The following TOX3 variants were observed in gnomAD, a reference collection of about 807,000 sequenced individuals.
The protein encoded by TOX3 is TOX high mobility group box family member 3.
TOX3 carries 22 observed loss-of-function variants against 64.3 expected under a neutral mutation model. The observed-to-expected ratio is 0.34, with a 90% confidence interval of 0.24 to 0.49. The LOEUF is 0.49. Ranked by LOEUF, TOX3 falls within the 20% of genes least tolerant of loss-of-function variation. The probability of loss-of-function intolerance (pLI) is 0.99; values close to 1 mark genes in which losing one functional copy is unlikely to be tolerated. For synonymous variants in TOX3, 291 were observed against 273.6 expected, an observed-to-expected ratio of 1.06 and a Z score of -0.63; for missense variants, 661 against 714.4, an observed-to-expected ratio of 0.93 and a Z score of 0.85.
intron 2 of TOX3, among the ~76,000 whole-genome samples, chr16:52,464,959 T>C (rs1040953003): frequency 2.7e-5 from 4 of 150,828 alleles, no homozygotes; most frequent in Non-Finnish European, 4.4e-5. Flanking sequence ...GTTCGCTTAC[T>C]TAGAGAAGTA....
intron 2 of TOX3, among the ~76,000 whole-genome samples, chr16:52,467,291 C>T (rs182916940): frequency 1.6e-4 from 24 of 152,182 alleles, no homozygotes; most frequent in Admixed American, 7.9e-4. Flanking sequence ...AACATCATGT[C>T]GTCCTTACAG....
At chr16:52,521,020 A>C (rs1962595317) in intron 1 of TOX3, among the ~76,000 whole-genome samples, 1 of 152,300 alleles carries the variant, frequency 6.6e-6, no homozygotes, top group East Asian at 1.9e-4. Context: ...ATAAATACAA[A>C]ATAATCTATT....
rs758188423 is a variant in TOX3 at position 52,468,471 on chromosome 16, C to CA, written c.153+37dup. The CA allele has an allele frequency of 6.7e-5, 106 of 1,584,492 alleles. 1 individual carries two copies. Among genetic ancestry groups the CA allele is most frequent in the South Asian group, 5.5e-4 (49 of 88,350 alleles). ...AGCCTATTAAATTATCTCAATAACA[C>CA]AAAAAACAGGAACAAACACATTAAG... is the stretch of plus-strand genomic sequence containing the variant. On this transcript the variant is annotated intron_variant, in intron 2 of 6. Transcript: ENST00000219746.
chr16:52,516,709 C>T (rs939374241), intron 1 of TOX3, among the ~76,000 whole-genome samples: 4 of 152,076 alleles, frequency 2.6e-5, no homozygotes, highest in Admixed American at 1.3e-4. Flanking sequence ...AATGAATATG[C>T]ATATCATACA....
intron 1 of TOX3, among the ~76,000 whole-genome samples, chr16:52,476,704 T>G (rs1961218017): frequency 6.6e-6 from 1 of 152,182 alleles, no homozygotes. Flanking sequence ...CCCTCCCTTC[T>G]GCCTGAAAGC....
intron 1 of TOX3, among the ~76,000 whole-genome samples, chr16:52,531,470 G>A (rs1243733155): frequency 6.6e-6 from 1 of 152,182 alleles, no homozygotes; most frequent in Non-Finnish European, 1.5e-5. Context: ...TTACCCTGCA[G>A]GCCAGTGTTC....
chr16:52,464,231 A>G (rs375932503), intron 2 of TOX3, 43 bp from the exon 3 acceptor site: 29 of 1,410,132 alleles, frequency 2.1e-5, no homozygotes, highest in Non-Finnish European at 2.0e-5. Context: ...TTCTGTTCCT[A>G]TATCTTATTC....
intron 1 of TOX3, among the ~76,000 whole-genome samples, chr16:52,504,768 A>G (rs1962113043): frequency 1.3e-5 from 2 of 152,128 alleles, no homozygotes; most frequent in Admixed American, 1.3e-4. Context: ...GTGAGTGGAG[A>G]TGAAAGAAGT....
rs1415464492 is a variant in TOX3, at chr16:52,516,824, G to A, written c.87+29813C>T. Reference sequence around the variant, plus strand: ...TGGAAATGTTCTATATTTATTATGTGGTGGTTGTTCACAACTGTACATGTT... The same window carrying A: ...TGGAAATGTTCTATATTTATTATGTAGTGGTTGTTCACAACTGTACATGTT... On this transcript the variant is annotated intron_variant, in intron 1 of 6. Coordinates refer to ENST00000219746, the MANE Select transcript of TOX3 (RefSeq NM_001080430.4). Among the ~76,000 whole-genome samples, 4 of 152,110 alleles carry A rather than the reference G, an allele frequency of 2.6e-5. No homozygotes were observed. The South Asian group carries it at 8.3e-4, about 31-fold the overall frequency.
chr16:52,527,653 C>T (rs911312494), intron 1 of TOX3, among the ~76,000 whole-genome samples: 4 of 152,158 alleles, frequency 2.6e-5, no homozygotes, highest in African/African-American at 9.7e-5. Flanking sequence ...TGGTGACTAC[C>T]TACTCCTCAG....
chr16:52,439,942 C>A lies in TOX3; in HGVS notation c.1014G>T (p.Gln338His). The A allele has an allele frequency of 6.4e-7, 1 of 1,574,510 alleles. No individual in the cohort carries two copies. The highest frequency in any genetic ancestry group is 1.2e-5 in the South Asian group (1 of 84,356). ...SKAAAESAEA[Q>H]TIRSVQQTLA... is the part of the protein sequence containing the mutation. The stretch of plus-strand genomic sequence containing the variant: ...GGGTCTGCTGAACAGAACGGATGGT[C>A]TGGGCTTCTGCTGACTCAGCAGCAG... Residue 338 changes from glutamine to histidine, a missense_variant, in exon 7 of 7, where the codon CAG becomes CAT. Around this residue, in one of 3 missense-constraint regions of TOX3, gnomAD observed 299 missense variants for 292.1 expected, o/e 1.02. Coordinates refer to ENST00000219746, the MANE Select transcript of TOX3 (RefSeq NM_001080430.4).
At chr16:52,482,787 G>C (rs972503605) in intron 1 of TOX3, among the ~76,000 whole-genome samples, 5 of 152,040 alleles carry the variant, frequency 3.3e-5, no homozygotes, top group Admixed American at 6.6e-5. Context: ...TAACAAAAAA[G>C]AATTATTTTT....
intron 2 of TOX3, among the ~76,000 whole-genome samples, chr16:52,465,597 C>G (rs952384290): frequency 4.7e-5 from 7 of 148,544 alleles, no homozygotes; most frequent in African/African-American, 1.7e-4. Flanking sequence ...TGAACTGGTG[C>G]AAGATAATTT....
intron 1 of TOX3, among the ~76,000 whole-genome samples, chr16:52,496,866 GA>G (rs929474821): frequency 6.9e-5 from 10 of 143,994 alleles, no homozygotes; most frequent in South Asian, 4.4e-4. Flanking sequence ...CTAACCTGGG[GA>G]AAAAAAAACA....
intron 1 of TOX3, among the ~76,000 whole-genome samples, chr16:52,477,495 A>G (rs1156312766): frequency 2.6e-5 from 4 of 152,176 alleles, no homozygotes; most frequent in Non-Finnish European, 5.9e-5. Flanking sequence ...GGAGGTTGAA[A>G]GTGTCTAGAC....
Position 52,519,434 on chromosome 16 carries a change from A to C in TOX3, c.87+27203T>G, listed in dbSNP as rs1210719676. On this transcript the variant is annotated intron_variant, in intron 1 of 6. Coordinates refer to ENST00000219746, the MANE Select transcript of TOX3 (RefSeq NM_001080430.4). ...CAGATAGGTAGTTATCAGGTAATGA[A>C]GTCTCTCCTCAATGCGCCTGGCTCC... 3 of 1,551,514 alleles carry C rather than the reference A, an allele frequency of 1.9e-6. No individual in the cohort carries two copies. The East Asian group carries it at 7.3e-5, about 38-fold the overall frequency.
At chr16:52,480,617 G>A (rs1961344112) in intron 1 of TOX3, among the ~76,000 whole-genome samples, 1 of 152,186 alleles carries the variant, frequency 6.6e-6, no homozygotes, top group South Asian at 2.1e-4. Context: ...CCTTAGTTCA[G>A]TAACCAAACT....
At chr16:52,514,365 G>C (rs1283528914) in intron 1 of TOX3, among the ~76,000 whole-genome samples, 3 of 152,068 alleles carry the variant, frequency 2.0e-5, no homozygotes, top group Non-Finnish European at 4.4e-5. Context: ...TGAATATCAT[G>C]TCAACCATGA....
intron 4 of TOX3, among the ~76,000 whole-genome samples, chr16:52,448,027 C>T (rs911135710): frequency 3.9e-5 from 6 of 152,156 alleles, no homozygotes; most frequent in East Asian, 1.9e-4. Context: ...CCACCTTTGA[C>T]GCCTTTCTTG....
Sources: allele counts gnomAD v4.1 joint callset (sites outside exome capture counted in the v4.1 genomes callset), GRCh38; gene constraint gnomAD v4.1.1; regional missense constraint gnomAD v4.1.1; transcripts MANE v1.5; gene names NCBI Gene and HGNC (gene_info 2026-07-23, HGNC 2026-07-21).